Variants in FAM114A1 observed in about 807,000 individuals in gnomAD.
FAM114A1 encodes the protein family with sequence similarity 114 member A1.
Under a neutral mutation model 64.3 loss-of-function variants are expected in FAM114A1, and 62 were observed. The ratio of observed to expected loss-of-function variants is 0.96; its 90% confidence interval spans 0.79 to 1.19. The LOEUF is 1.19. Among genes scored for constraint, FAM114A1 ranks in the 50% most tolerant of loss-of-function variants. FAM114A1 has a pLI of 0.00. For missense variants in FAM114A1, 645 were observed against 676.3 expected, an observed-to-expected ratio of 0.95 and a Z score of 0.51; for synonymous variants, 254 against 251.1, an observed-to-expected ratio of 1.01 and a Z score of -0.11.
chr4:38,883,771 C>G (rs1287474325), intron 3 of FAM114A1, among the ~76,000 whole-genome samples: 5 of 152,192 alleles, frequency 3.3e-5, no homozygotes, highest in Non-Finnish European at 7.3e-5. Context: ...AGTATTTTCC[C>G]TTTTTGGCCT....
chr4:38,921,435 A>AT (rs1719580403), intron 8 of FAM114A1, among the ~76,000 whole-genome samples: 1 of 151,522 alleles, frequency 6.6e-6, no homozygotes, highest in Admixed American at 6.6e-5. Context: ...TTTTCTTAAA[A>AT]TTTTTTATAG....
chr4:38,870,138 A>G (rs1197804623), intron 2 of FAM114A1, among the ~76,000 whole-genome samples: 1 of 151,938 alleles, frequency 6.6e-6, no homozygotes, highest in Non-Finnish European at 1.5e-5. Context: ...GCAGGACACA[A>G]CTCTTTCCAC....
intron 4 of FAM114A1, among the ~76,000 whole-genome samples, chr4:38,896,656 T>C (rs953497085): frequency 5.3e-5 from 8 of 152,232 alleles, no homozygotes; most frequent in Non-Finnish European, 1.0e-4. Flanking sequence ...CTGTGGTCTA[T>C]GTTGAGCCAC....
Position 38,903,735 on chromosome 4 carries a change from T to G in FAM114A1, c.437-1787T>G, listed in dbSNP as rs1291900322. On this transcript the variant is annotated intron_variant, in intron 4 of 14. Coordinates refer to ENST00000358869, the MANE Select transcript of FAM114A1 (RefSeq NM_138389.4). ...AAGCCTTAACAGTCGCAATACACCT[T>G]TATTTTTTCAAGTAACTCAGTAATT... 3.9e-5 allele frequency among the ~76,000 whole-genome samples: 6 copies of G among 152,330 alleles called. No individual in the cohort carries two copies. The South Asian group carries it at 1.0e-3, about 26-fold the overall frequency.
intron 8 of FAM114A1, among the ~76,000 whole-genome samples, chr4:38,916,966 C>T (rs1719111008): frequency 6.6e-6 from 1 of 151,836 alleles, no homozygotes; most frequent in Non-Finnish European, 1.5e-5. Context: ...TAAAATTGCT[C>T]CGATAAATTC....
chr4:38,914,845 A>G, intron 7 of FAM114A1, 76 bp from the exon 8 acceptor site: 1 of 1,512,930 alleles, frequency 6.6e-7, no homozygotes, highest in Non-Finnish European at 8.9e-7. Flanking sequence ...AGTCCTCCCA[A>G]CCTCCCCCAT....
At chr4:38,876,023 C>A in intron 2 of FAM114A1, among the ~76,000 whole-genome samples, 1 of 152,136 alleles carries the variant, frequency 6.6e-6, no homozygotes, top group East Asian at 1.9e-4. Flanking sequence ...ATGGTCTAGA[C>A]CTTCATCAGC....
chr4:38,901,560 G>A (rs1717528788), intron 4 of FAM114A1, among the ~76,000 whole-genome samples: 1 of 152,164 alleles, frequency 6.6e-6, no homozygotes, highest in South Asian at 2.1e-4. Flanking sequence ...CCAAAGTGCT[G>A]GGATTACAGG....
chr4:38,941,200 C>G (rs751856679), intron 14 of FAM114A1, among the ~76,000 whole-genome samples, 179 bp downstream of exon 14: 1 of 151,486 alleles, frequency 6.6e-6, no homozygotes, highest in African/African-American at 2.4e-5. Context: ...GATGAAGCAA[C>G]AATACCTAAT....
chr4:38,882,404 C>A (rs925268146), intron 3 of FAM114A1, among the ~76,000 whole-genome samples: 2 of 151,436 alleles, frequency 1.3e-5, no homozygotes, highest in African/African-American at 4.9e-5. Flanking sequence ...CCGAGGGGAC[C>A]GGATCACCTG....
intron 8 of FAM114A1, among the ~76,000 whole-genome samples, chr4:38,922,397 G>T (rs1719686866): frequency 6.6e-6 from 1 of 152,200 alleles, no homozygotes; most frequent in African/African-American, 2.4e-5. Flanking sequence ...GTTACCGAAG[G>T]TCATAGTAAG....
chr4:38,925,444 C>A (rs1720018355), intron 9 of FAM114A1, among the ~76,000 whole-genome samples: 1 of 152,134 alleles, frequency 6.6e-6, no homozygotes, highest in African/African-American at 2.4e-5. Flanking sequence ...CAGGAGCAAT[C>A]CAGCAGAAAA....
intron 8 of FAM114A1, among the ~76,000 whole-genome samples, chr4:38,915,784 T>G (rs1266302639): frequency 6.6e-6 from 1 of 151,662 alleles, no homozygotes; most frequent in Non-Finnish European, 1.5e-5. Context: ...TGTGTGTGTG[T>G]GTGTGTGTGT....
At chr4:38,885,440 T>C (rs1465584207) in intron 3 of FAM114A1, among the ~76,000 whole-genome samples, 1 of 151,896 alleles carries the variant, frequency 6.6e-6, no homozygotes, top group Non-Finnish European at 1.5e-5. Flanking sequence ...CACGCCTGGC[T>C]AATTTTTTAA....
chr4:38,871,997 C>A (rs2109516800), intron 2 of FAM114A1, among the ~76,000 whole-genome samples: 1 of 152,340 alleles, frequency 6.6e-6, no homozygotes. Context: ...AGTGCAATCT[C>A]ATGTCTTGGG....
chr4:38,876,456 CCATTG>C (rs879574019), intron 2 of FAM114A1, among the ~76,000 whole-genome samples: 41,691 of 152,020 alleles, frequency 0.27, 6,102 homozygotes, highest in African/African-American at 0.31. Context: ...CAGGTGTGAG[CCATTG>C]CACCCTGCCT....
intron 2 of FAM114A1, among the ~76,000 whole-genome samples, chr4:38,874,914 A>G (rs1291158494): frequency 2.6e-5 from 4 of 152,152 alleles, no homozygotes; most frequent in African/African-American, 9.6e-5. Context: ...ATCCCAGCAC[A>G]ATTTATTGAA....
chr4:38,882,643 T>G (rs964647979), intron 3 of FAM114A1, among the ~76,000 whole-genome samples: 3 of 152,102 alleles, frequency 2.0e-5, no homozygotes, highest in African/African-American at 7.2e-5. Flanking sequence ...AAAAAAAGTT[T>G]CTGTGAGGAA....
intron 12 of FAM114A1, 147 bp from the exon 13 acceptor site, chr4:38,935,571 C>T (rs1721007987): frequency 1.2e-5 from 6 of 500,084 alleles, no homozygotes; most frequent in Non-Finnish European, 1.8e-5. Flanking sequence ...AGGAAAACCG[C>T]CTGACTGCAC....
Sources: gnomAD v4.1 joint callset for allele counts (sites outside exome capture counted in the v4.1 genomes callset) on GRCh38, gnomAD v4.1.1 for gene constraint, MANE v1.5 for transcripts, NCBI Gene and HGNC (gene_info 2026-07-23, HGNC 2026-07-21) for gene names.